Variants in SLCO3A1 observed in about 807,000 individuals in gnomAD.
The protein encoded by SLCO3A1 is PGE1 transporter.
SLCO3A1 carries 27 observed loss-of-function variants against 63.1 expected under a neutral mutation model. The ratio of observed to expected loss-of-function variants is 0.43; its 90% CI spans 0.32 to 0.59. SLCO3A1 has a LOEUF of 0.59. Ranked by LOEUF, SLCO3A1 falls within the 20% of genes least tolerant of loss-of-function variation. The pLI is 0.09. For synonymous variants in SLCO3A1, 473 were observed against 409.9 expected (o/e 1.15, Z -1.86); for missense variants, 773 against 945.8 (o/e 0.82, Z 2.40).
chr15:91,858,038 A>G (rs936996632), intron 1 of SLCO3A1, among the ~76,000 whole-genome samples: 3 of 152,190 alleles, frequency 2.0e-5, no homozygotes, highest in African/African-American at 7.2e-5. Context: ...TTGTAGTCAC[A>G]CTTTTTCTTT....
intron 1 of SLCO3A1, among the ~76,000 whole-genome samples, chr15:91,911,585 T>G (rs1425942150): frequency 6.6e-6 from 1 of 152,184 alleles, no homozygotes; most frequent in African/African-American, 2.4e-5. Flanking sequence ...CAGACGCATA[T>G]CTATATCTAT....
chr15:91,922,209 C>CACACACACAT (rs1555449781), intron 2 of SLCO3A1, among the ~76,000 whole-genome samples: 1 of 151,974 alleles, frequency 6.6e-6, no homozygotes, highest in Admixed American at 6.6e-5. Context: ...CACACACACA[C>CACACACACAT]GGCACAGAGA....
Position 92,132,195 on chromosome 15 carries a change from C to T in SLCO3A1, c.1512+3706C>T, listed in dbSNP as rs1244992789. Among the ~76,000 whole-genome samples the T allele has an allele frequency of 2.7e-5, 4 of 145,930 alleles. 1 individual carries two copies. Among genetic ancestry groups the T allele is most frequent in the East Asian group, 1.9e-4 (1 of 5,190 alleles). On this transcript the variant is annotated intron_variant, in intron 7 of 9. Transcript: ENST00000318445. ...CCTTGCTCGCCACTCACCACTTTATCGTTTCCATCAAGACGTGAAAATTCC... is the reference window on the plus strand; with the variant it reads ...CCTTGCTCGCCACTCACCACTTTATTGTTTCCATCAAGACGTGAAAATTCC...
rs1234034622 is a variant in SLCO3A1, at chr15:92,165,752, T to C, written c.*2617T>C. 1 of 984,000 alleles carries C rather than the reference T, an allele frequency of 1.0e-6. No homozygotes were observed. The highest frequency in any genetic ancestry group is 1.2e-6 in the Non-Finnish European group (1 of 829,390). The allele number at this position is 984,000 out of a possible 1,614,324, so 61.0% of individuals were successfully genotyped here. A position where few individuals can be genotyped will look rare whatever the true frequency, so the allele number is the denominator to read the frequency against. On this transcript the variant is annotated 3_prime_UTR_variant, in exon 10 of 10. Transcript: ENST00000318445. ...AAACTCAGTCTAGTTTTAATTTGCC[T>C]TTTGTGCTCTAAAGAAGCATTGTAC...
intron 1 of SLCO3A1, among the ~76,000 whole-genome samples, chr15:91,906,545 A>G (rs767891711): frequency 1.4e-4 from 22 of 152,268 alleles, no homozygotes; most frequent in Non-Finnish European, 2.9e-4. Context: ...ACAGTTCTGC[A>G]TATAGCAGCG....
chr15:91,925,475 G>GT (rs76218578), intron 2 of SLCO3A1, among the ~76,000 whole-genome samples: 2,869 of 127,282 alleles, frequency 0.023, 62 homozygotes, highest in African/African-American at 0.056. Flanking sequence ...CCAGTACCTT[G>GT]TTTTTTTTTT....
At chr15:92,106,820 G>A (rs2047673089) in intron 4 of SLCO3A1, among the ~76,000 whole-genome samples, 3 of 152,170 alleles carry the variant, frequency 2.0e-5, no homozygotes, top group African/African-American at 7.2e-5. Context: ...CACCGCTCCT[G>A]GGCTGGGAGT....
At position 91,894,667 on chromosome 15, in the gene SLCO3A1, T is replaced by C. The variant is rs1008198462; in HGVS notation, c.181-21326T>C. Among the ~76,000 whole-genome samples, 1 of 152,176 alleles carries C rather than the reference T, an allele frequency of 6.6e-6. No homozygotes were observed. The highest frequency in any genetic ancestry group is 1.5e-5 in the Non-Finnish European group (1 of 68,020). ...GAATGTTCATATGTACCACTGGGGA[T>C]CTTGGTAAAATGTAGAATTTGACTC... On this transcript the variant is annotated intron_variant, in intron 1 of 9. Coordinates refer to ENST00000318445, the MANE Select transcript of SLCO3A1 (RefSeq NM_013272.4). This position sits in a 1 kb window ranked among gnomAD's most constrained non-coding sequence, Gnocchi z 4.8.
At chr15:92,012,170 G>T (rs2046376524) in intron 2 of SLCO3A1, among the ~76,000 whole-genome samples, 1 of 152,336 alleles carries the variant, frequency 6.6e-6, no homozygotes, top group Middle Eastern at 3.4e-3. Context: ...TTTATTGCAT[G>T]AGTGCATCTT....
intron 3 of SLCO3A1, among the ~76,000 whole-genome samples, chr15:92,100,447 G>A (rs144462518): frequency 6.6e-6 from 1 of 152,202 alleles, no homozygotes; most frequent in African/African-American, 2.4e-5. Flanking sequence ...CTTCATCCAT[G>A]TGTCTAGTTT....
intron 5 of SLCO3A1, among the ~76,000 whole-genome samples, chr15:92,122,956 TG>T (rs2047880435): frequency 6.6e-6 from 1 of 152,174 alleles, no homozygotes. Context: ...GCCAGAATAG[TG>T]GTTACCTTTG....
At position 92,033,764 on chromosome 15, in the gene SLCO3A1, A is replaced by G. The variant is rs1023956047; in HGVS notation, c.647-61117A>G. Among the ~76,000 whole-genome samples, 1 of 152,134 alleles carries G rather than the reference A, an allele frequency of 6.6e-6. No homozygotes were observed. Among genetic ancestry groups the G allele is most frequent in the Admixed American group, 6.5e-5 (1 of 15,280 alleles). On this transcript the variant is annotated intron_variant, in intron 2 of 9. Coordinates refer to ENST00000318445, the MANE Select transcript of SLCO3A1 (RefSeq NM_013272.4). This position sits in a 1 kb window ranked among gnomAD's most constrained non-coding sequence, Gnocchi z 4.5. Reference sequence around the variant, plus strand: ...GGAGTGTTGGGAGTCGTACAGTTTTAGTGTCAGAGGGGCAGGTCTCACTGA... The same window carrying G: ...GGAGTGTTGGGAGTCGTACAGTTTTGGTGTCAGAGGGGCAGGTCTCACTGA...
rs1378126599 is a variant in SLCO3A1 at position 91,863,622 on chromosome 15, A to G, written c.180+9534A>G. 6.6e-6 allele frequency among the ~76,000 whole-genome samples: 1 copy of G among 152,204 alleles called. No homozygotes were observed. Among genetic ancestry groups the G allele is most frequent in the Non-Finnish European group, 1.5e-5 (1 of 68,040 alleles). On this transcript the variant is annotated intron_variant, in intron 1 of 9. Transcript: ENST00000318445. The surrounding 1 kb of genome is among the most constrained non-coding windows in gnomAD (Gnocchi z 4.3). ...GGGGTGCACAGCACACCACACGGTC[A>G]AGTTCAGCTTTCCAACCTCCTCCTG...
At chr15:91,881,035 T>G (rs1386300359) in intron 1 of SLCO3A1, among the ~76,000 whole-genome samples, 1 of 152,202 alleles carries the variant, frequency 6.6e-6, no homozygotes, top group Non-Finnish European at 1.5e-5. Context: ...GGATGGGGCT[T>G]GGGTGGAGGC....
rs752964785 is a variant in SLCO3A1 at position 91,875,284 on chromosome 15, T to A, written c.180+21196T>A. 6.6e-6 allele frequency among the ~76,000 whole-genome samples: 1 copy of A among 152,164 alleles called. No homozygotes were observed. The highest frequency in any genetic ancestry group is 1.5e-5 in the Non-Finnish European group (1 of 68,036). On this transcript the variant is annotated intron_variant, in intron 1 of 9. Coordinates refer to ENST00000318445, the MANE Select transcript of SLCO3A1 (RefSeq NM_013272.4). The surrounding 1 kb of genome is among the most constrained non-coding windows in gnomAD (Gnocchi z 4.5). ...TCATTGTAGGAGATCCTAGTTGCAC[T>A]TCTGTTATGAAGCCACTCCTGCCTC...
intron 2 of SLCO3A1, among the ~76,000 whole-genome samples, chr15:92,060,643 A>G (rs1391463822): frequency 6.6e-6 from 1 of 151,856 alleles, no homozygotes; most frequent in Non-Finnish European, 1.5e-5. Context: ...GGGACTACAG[A>G]CGCACAGTGC....
chr15:91,984,911 C>T (rs2046031522), intron 2 of SLCO3A1, among the ~76,000 whole-genome samples: 1 of 152,144 alleles, frequency 6.6e-6, no homozygotes, highest in African/African-American at 2.4e-5. Flanking sequence ...TTATTATCTT[C>T]AACTCACACT....
chr15:91,925,637 A>C (rs1898987278), intron 2 of SLCO3A1, among the ~76,000 whole-genome samples: 1 of 152,150 alleles, frequency 6.6e-6, no homozygotes, highest in Non-Finnish European at 1.5e-5. Flanking sequence ...GGCCAATCAG[A>C]GTCCACTGTG....
Position 92,117,465 on chromosome 15 carries a change from A to T in SLCO3A1, c.1010-3000A>T, listed in dbSNP as rs374968677. ...AGGATCGTTTTCCTGGAATGTCCCC[A>T]GCCTGCCTATTTGACATTGGCAATG... On this transcript the variant is annotated intron_variant, in intron 4 of 9. Coordinates refer to ENST00000318445, the MANE Select transcript of SLCO3A1 (RefSeq NM_013272.4). Among the ~76,000 whole-genome samples, 145 of 152,342 alleles carry T rather than the reference A, an allele frequency of 9.5e-4. 1 individual carries two copies. The highest frequency in any genetic ancestry group is 3.1e-3 in the African/African-American group (130 of 41,584).
Sources: allele counts gnomAD v4.1 joint callset (sites outside exome capture counted in the v4.1 genomes callset), GRCh38; gene constraint gnomAD v4.1.1; non-coding constraint Gnocchi (gnomAD v3.1); transcripts MANE v1.5; gene names NCBI Gene and HGNC (gene_info 2026-07-23, HGNC 2026-07-21).